The following FBXW11 variants were observed in gnomAD, a reference collection of about 807,000 sequenced individuals.
The protein encoded by FBXW11 is F-box and WD repeat domain containing 11, also known as F-box/WD repeat-containing protein 11.
A neutral mutation model predicts 77.6 loss-of-function variants in FBXW11; 19 were observed. The observed-to-expected ratio is 0.24, with a 90% CI of 0.17 to 0.36. The LOEUF (loss-of-function observed/expected upper bound fraction) is 0.36, where lower values mean the gene tolerates loss of function less well. Among genes scored for constraint, FBXW11 ranks in the 10% least tolerant of loss-of-function variants. The pLI is 1.00. For missense variants in FBXW11, 334 were observed against 704.2 expected (o/e 0.47, Z 5.95); for synonymous variants, 235 against 249.4 (o/e 0.94, Z 0.54).
chr5:171,916,885 G>A (rs1192709683), intron 2 of FBXW11, among the ~76,000 whole-genome samples: 2 of 152,012 alleles, frequency 1.3e-5, no homozygotes, highest in Non-Finnish European at 2.9e-5. Context: ...TGTATATATG[G>A]TTTTGTTTTG....
At chr5:171,934,842 A>T (rs839264) in intron 2 of FBXW11, among the ~76,000 whole-genome samples, 1 of 152,176 alleles carries the variant, frequency 6.6e-6, no homozygotes, top group African/African-American at 2.4e-5. Flanking sequence ...TGGAGTTTCT[A>T]AAGAAAAAAA....
chr5:171,930,944 T>G (rs1342052532), intron 2 of FBXW11, among the ~76,000 whole-genome samples: 1 of 152,016 alleles, frequency 6.6e-6, no homozygotes, highest in East Asian at 1.9e-4. Flanking sequence ...TAAACACCTA[T>G]AGATATAATT....
At chr5:171,999,270 G>A (rs889237936) in intron 1 of FBXW11, among the ~76,000 whole-genome samples, 1 of 152,024 alleles carries the variant, frequency 6.6e-6, no homozygotes, top group Non-Finnish European at 1.5e-5. Flanking sequence ...TATCCAAAAT[G>A]CAAAACAAGT....
At chr5:172,002,445 T>C (rs1170867736) in intron 1 of FBXW11, among the ~76,000 whole-genome samples, 7 of 151,174 alleles carry the variant, frequency 4.6e-5, no homozygotes, top group South Asian at 2.1e-4. Context: ...TGTGTGTGTG[T>C]GGTTTATTCA....
chr5:171,916,434 G>A, intron 2 of FBXW11: 1 of 985,190 alleles, frequency 1.0e-6, no homozygotes, highest in Non-Finnish European at 1.2e-6. Flanking sequence ...CAGGAGGGTG[G>A]GGCTCTATGT....
At position 171,876,683 on chromosome 5, in the gene FBXW11, G is replaced by C. The variant is rs761697787; in HGVS notation, c.972-149C>G. 6 of 1,068,492 alleles carry C rather than the reference G, an allele frequency of 5.6e-6. No homozygotes were observed. Among genetic ancestry groups the C allele is most frequent in the Non-Finnish European group, 8.1e-6 (6 of 742,992 alleles). 66.2% of individuals were successfully genotyped at this position (1,068,492 alleles called of 1,614,324 possible). ...ATGTTGAAATTGATCCTCAATGTTG[G>C]AGGTGGGGCCTGGCAGGAGATGTTT... On this transcript the variant is annotated intron_variant, in intron 8 of 13. Transcript: ENST00000517395. The surrounding 1 kb of genome is among the most constrained non-coding windows in gnomAD (Gnocchi z 4.2).
At chr5:171,974,577 C>T (rs1764715442) in intron 1 of FBXW11, among the ~76,000 whole-genome samples, 1 of 151,780 alleles carries the variant, frequency 6.6e-6, no homozygotes, top group African/African-American at 2.4e-5. Context: ...CAGGAAGAAG[C>T]CGAGCATAAC....
chr5:171,893,633 A>G (rs1759538857), intron 6 of FBXW11, among the ~76,000 whole-genome samples: 1 of 152,152 alleles, frequency 6.6e-6, no homozygotes, highest in African/African-American at 2.4e-5. Context: ...GCACTCCAGG[A>G]AAATGCTGAT....
chr5:171,956,212 C>T (rs1177559252), intron 2 of FBXW11, among the ~76,000 whole-genome samples: 1 of 152,126 alleles, frequency 6.6e-6, no homozygotes, highest in Non-Finnish European at 1.5e-5. Flanking sequence ...ATTATAATAA[C>T]GCAAATATCC....
chr5:171,959,022 C>T (rs962954488), intron 1 of FBXW11, among the ~76,000 whole-genome samples: 1 of 151,010 alleles, frequency 6.6e-6, no homozygotes, highest in East Asian at 1.9e-4. Flanking sequence ...GATAGCTTTG[C>T]TTGAAATCAG....
Position 171,893,467 on chromosome 5 carries a change from T to A in FBXW11, c.715-1863A>T, listed in dbSNP as rs1320453654. 9.1e-5 allele frequency among the ~76,000 whole-genome samples: 11 copies of A among 121,214 alleles called. No homozygotes were observed. In the East Asian group the frequency reaches 3.4e-3, roughly 37 times the overall value. 79.5% of individuals were successfully genotyped at this position (121,214 alleles called of 152,430 possible). On this transcript the variant is annotated intron_variant, in intron 6 of 13. Coordinates refer to ENST00000517395, the MANE Select transcript of FBXW11 (RefSeq NM_001378974.1). The stretch of plus-strand genomic sequence containing the variant: ...AAAAAACTAACCCAACCATCTCTGC[T>A]ACCTCTATCAAAGTAGACAACAGAT...
rs190720305 is a variant in FBXW11 at position 171,872,818 on chromosome 5, T to C, written c.1340+54A>G. 862 of 1,307,874 alleles carry C rather than the reference T, an allele frequency of 6.6e-4. 1 individual carries two copies. The highest frequency in any genetic ancestry group is 8.7e-4 in the Non-Finnish European group (789 of 904,308). 81.0% of individuals were successfully genotyped at this position (1,307,874 alleles called of 1,614,324 possible). A position where few individuals can be genotyped will look rare whatever the true frequency, so the allele number is the denominator to read the frequency against. Reference sequence around the variant, plus strand: ...TTGAGCATTAGAACTAGGAGATGAGTCAACAATGTGGCAAAAATCAGCCTG... The same window carrying C: ...TTGAGCATTAGAACTAGGAGATGAGCCAACAATGTGGCAAAAATCAGCCTG... On this transcript the variant is annotated intron_variant, in intron 10 of 13. Transcript: ENST00000517395.
rs1581213448 is a variant in FBXW11 at position 171,927,748 on chromosome 5, A to G, written c.148-13343T>C. Among the ~76,000 whole-genome samples, 4 of 152,358 alleles carry G rather than the reference A, an allele frequency of 2.6e-5. No homozygotes were observed. The East Asian group carries it at 7.7e-4, about 29-fold the overall frequency. On this transcript the variant is annotated intron_variant, in intron 2 of 13. Coordinates refer to ENST00000517395, the MANE Select transcript of FBXW11 (RefSeq NM_001378974.1). The stretch of plus-strand genomic sequence containing the variant: ...CATAATTTCCTTACTCAATACAAGT[A>G]GTAACAAACATTACATTTTTTACTA...
chr5:171,957,474 A>C, intron 2 of FBXW11, 123 bp downstream of exon 2: 1 of 938,750 alleles, frequency 1.1e-6, no homozygotes, highest in Non-Finnish European at 1.7e-6. Context: ...GGCTGGAGGA[A>C]AGCAGAGGGT....
intron 8 of FBXW11, among the ~76,000 whole-genome samples, chr5:171,877,692 G>A (rs1758192131): frequency 6.6e-6 from 1 of 152,030 alleles, no homozygotes; most frequent in Non-Finnish European, 1.5e-5. Context: ...AAGAGTCCAG[G>A]AGTGACTCCT....
intron 1 of FBXW11, among the ~76,000 whole-genome samples, chr5:171,988,758 T>C (rs770510470): frequency 1.3e-5 from 2 of 151,922 alleles, no homozygotes; most frequent in Non-Finnish European, 2.9e-5. Context: ...GGCAGGAGAA[T>C]TGCTTGAATC....
chr5:171,965,983 A>G (rs1374711441), intron 1 of FBXW11, among the ~76,000 whole-genome samples: 2 of 151,548 alleles, frequency 1.3e-5, no homozygotes, highest in Middle Eastern at 3.2e-3. Context: ...CCCCCTTCTC[A>G]CCCTCTCTCC....
chr5:171,945,264 A>G (rs544077962), intron 2 of FBXW11, among the ~76,000 whole-genome samples: 1 of 152,382 alleles, frequency 6.6e-6, no homozygotes, highest in South Asian at 2.1e-4. Context: ...GTATAACAAC[A>G]TAAATAGCAT....
At chr5:171,908,710 C>T (rs187048911) in intron 4 of FBXW11, 1 of 152,198 alleles carries the variant, frequency 6.6e-6, no homozygotes, top group East Asian at 1.9e-4. Flanking sequence ...TAAACTTACA[C>T]GTTTTGGAAG....
Sources: allele counts gnomAD v4.1 joint callset (sites outside exome capture counted in the v4.1 genomes callset), GRCh38; gene constraint gnomAD v4.1.1; non-coding constraint Gnocchi (gnomAD v3.1); transcripts MANE v1.5; gene names NCBI Gene and HGNC (gene_info 2026-07-23, HGNC 2026-07-21).